LDLRAD3: variants seen among roughly 807,000 people sequenced by gnomAD.
LDLRAD3 encodes the protein low-density lipoprotein receptor class A domain-containing protein 3.
In LDLRAD3, 20 loss-of-function variants were observed where a neutral mutation model predicts 29.4. That is an observed-to-expected ratio of 0.68 (90% confidence interval 0.48 to 0.99). The LOEUF (loss-of-function observed/expected upper bound fraction) is 0.99, where lower values mean the gene tolerates loss of function less well. Ranked by LOEUF, LDLRAD3 falls within the 50% of genes least tolerant of loss-of-function variation. The probability of loss-of-function intolerance (pLI) is 0.00; values close to 1 mark genes in which losing one functional copy is unlikely to be tolerated. For missense variants in LDLRAD3, 420 were observed against 454.3 expected, an observed-to-expected ratio of 0.92 and a Z score of 0.69; for synonymous variants, 157 against 192.7, an observed-to-expected ratio of 0.81 and a Z score of 1.53.
In LDLRAD3 at chr11:36,193,185, G is replaced by A. The variant is rs574336658; in HGVS notation, c.455-33900G>A. ...GTAATGCTGCATCCTCGAGAGTGTT[G>A]GGAACATTCTGTGAGCCAATGTATA... On this transcript the variant is annotated intron_variant, in intron 4 of 5. Coordinates refer to ENST00000315571, the MANE Select transcript of LDLRAD3 (RefSeq NM_174902.4). Among the ~76,000 whole-genome samples, 3 of 152,236 alleles carry A rather than the reference G, an allele frequency of 2.0e-5. No individual in the cohort carries two copies. The East Asian group carries it at 5.8e-4, about 29-fold the overall frequency.
intron 1 of LDLRAD3, among the ~76,000 whole-genome samples, chr11:35,984,273 A>G (rs1851580345): frequency 6.6e-6 from 1 of 152,078 alleles, no homozygotes; most frequent in South Asian, 2.1e-4. Flanking sequence ...ACCGCCCACA[A>G]TGCATTAGGC....
At chr11:35,947,366 C>T (rs1851070848) in intron 1 of LDLRAD3, among the ~76,000 whole-genome samples, 1 of 151,966 alleles carries the variant, frequency 6.6e-6, no homozygotes, top group Non-Finnish European at 1.5e-5. Context: ...AAAAATTAGC[C>T]AGGTGTGGTG....
chr11:36,102,283 CCTT>C lies in LDLRAD3; in HGVS notation c.454+3825_454+3827del, dbSNP rs556912429. 9.8e-5 allele frequency among the ~76,000 whole-genome samples: 15 copies of C among 152,296 alleles called. No homozygotes were observed. In the East Asian group the frequency reaches 2.7e-3, roughly 27 times the overall value. ...CACTTAGTCAAACTTTGTTCTCTCT[CCTT>C]CTGCTGGGTGTGTAGCCCTTAAAAA... On this transcript the variant is annotated intron_variant, in intron 4 of 5. Coordinates refer to ENST00000315571, the MANE Select transcript of LDLRAD3 (RefSeq NM_174902.4).
At chr11:36,160,337 G>A (rs952717075) in intron 4 of LDLRAD3, among the ~76,000 whole-genome samples, 15 of 152,122 alleles carry the variant, frequency 9.9e-5, no homozygotes, top group African/African-American at 3.4e-4. Context: ...GAAAGCCAGC[G>A]TGATTTCCCA....
intron 4 of LDLRAD3, among the ~76,000 whole-genome samples, chr11:36,134,220 CAG>C (rs2133309036): frequency 6.6e-6 from 1 of 152,246 alleles, no homozygotes; most frequent in South Asian, 2.1e-4. Flanking sequence ...TTCCAGAAAG[CAG>C]GGGGATACAT....
intron 2 of LDLRAD3, among the ~76,000 whole-genome samples, chr11:36,058,391 C>A (rs1852652531): frequency 6.6e-6 from 1 of 152,198 alleles, no homozygotes; most frequent in Non-Finnish European, 1.5e-5. Flanking sequence ...ACTTTATCAA[C>A]TCCATTTGCT....
intron 2 of LDLRAD3, among the ~76,000 whole-genome samples, chr11:36,066,199 G>T (rs1281361228): frequency 2.7e-5 from 4 of 149,222 alleles, no homozygotes; most frequent in African/African-American, 9.9e-5. Flanking sequence ...CTGCTTGTTA[G>T]GAGTCATCCC....
chr11:36,068,401 G>A (rs1425749060), intron 2 of LDLRAD3, among the ~76,000 whole-genome samples: 5 of 152,182 alleles, frequency 3.3e-5, no homozygotes, highest in Non-Finnish European at 7.3e-5. Flanking sequence ...CAGCTTGGGA[G>A]TTCTATACCA....
Position 35,944,200 on chromosome 11 carries a change from G to GGCGCAGC in LDLRAD3, c.46+58_46+64dup. ...GCGGGGCGCGGGGCGCGGGGCGCGG[G>GGCGCAGC]GCGCAGCGGCCGGGTGCGATCGCGT... On this transcript the variant is annotated intron_variant, in intron 1 of 5. Transcript: ENST00000315571. This position sits in a 1 kb window ranked among gnomAD's most constrained non-coding sequence, Gnocchi z 4.9. 1.1e-6 allele frequency: 1 copy of GGCGCAGC among 951,552 alleles called. No homozygotes were observed. Among genetic ancestry groups the GGCGCAGC allele is most frequent in the Middle Eastern group, 5.6e-4 (1 of 1,796 alleles). The allele number at this position is 951,552 out of a possible 1,614,324, so 58.9% of individuals were successfully genotyped here. A position where few individuals can be genotyped will look rare whatever the true frequency, so the allele number is the denominator to read the frequency against.
rs144465581 is a variant in LDLRAD3 at position 36,065,534 on chromosome 11, C to T, written c.194-16119C>T. Among the ~76,000 whole-genome samples the T allele has an allele frequency of 3.9e-5, 6 of 152,310 alleles. No individual in the cohort carries two copies. The East Asian group carries it at 1.2e-3, about 29-fold the overall frequency. On this transcript the variant is annotated intron_variant, in intron 2 of 5. Coordinates refer to ENST00000315571, the MANE Select transcript of LDLRAD3 (RefSeq NM_174902.4). ...GATGTAGAAGGCATTATAGAAATTT[C>T]AGGATGCCTTGGTGAAACCTTTCCT...
Position 35,979,923 on chromosome 11 carries a change from A to T in LDLRAD3, c.46+35779A>T, listed in dbSNP as rs572727701. Among the ~76,000 whole-genome samples the T allele has an allele frequency of 1.4e-4, 21 of 152,322 alleles. 1 individual carries two copies. In the South Asian group the frequency reaches 4.1e-3, roughly 30 times the overall value. Reference sequence around the variant, plus strand: ...ATTGGCCAATTGTTTATCAATGCGGAGCATCATCAAGAATGTTAGAGAAGG... The same window carrying T: ...ATTGGCCAATTGTTTATCAATGCGGTGCATCATCAAGAATGTTAGAGAAGG... On this transcript the variant is annotated intron_variant, in intron 1 of 5. Coordinates refer to ENST00000315571, the MANE Select transcript of LDLRAD3 (RefSeq NM_174902.4).
chr11:35,957,394 C>T (rs183234253), intron 1 of LDLRAD3, among the ~76,000 whole-genome samples: 1 of 152,310 alleles, frequency 6.6e-6, no homozygotes, highest in Non-Finnish European at 1.5e-5. Context: ...TGCCTCACAG[C>T]TTATATCCTT....
intron 4 of LDLRAD3, among the ~76,000 whole-genome samples, chr11:36,195,655 A>G (rs560069957): frequency 3.9e-5 from 6 of 152,208 alleles, no homozygotes; most frequent in Non-Finnish European, 8.8e-5. Flanking sequence ...CCTTCGATGC[A>G]TCAGACTTGT....
chr11:36,179,531 A>G (rs1854726437), intron 4 of LDLRAD3, among the ~76,000 whole-genome samples: 1 of 152,160 alleles, frequency 6.6e-6, no homozygotes. Flanking sequence ...TCAGCTCAGA[A>G]GTTCATTGCT....
intron 1 of LDLRAD3, among the ~76,000 whole-genome samples, chr11:36,034,024 GC>G (rs1433055552): frequency 6.6e-6 from 1 of 152,142 alleles, no homozygotes; most frequent in Admixed American, 6.5e-5. Flanking sequence ...CATGCTCTGG[GC>G]TACGTCTTCC....
At chr11:36,212,206 T>C (rs1233907471) in intron 4 of LDLRAD3, among the ~76,000 whole-genome samples, 1 of 152,208 alleles carries the variant, frequency 6.6e-6, no homozygotes, top group Non-Finnish European at 1.5e-5. Context: ...AGGAGGCAGA[T>C]GCCTCAGAGG....
At chr11:36,128,885 C>T (rs1853883949) in intron 4 of LDLRAD3, among the ~76,000 whole-genome samples, 1 of 151,720 alleles carries the variant, frequency 6.6e-6, no homozygotes, top group African/African-American at 2.4e-5. Context: ...AGAAAAATCA[C>T]CCTAGCATCG....
intron 1 of LDLRAD3, among the ~76,000 whole-genome samples, chr11:35,954,555 A>G (rs1414943454): frequency 1.5e-4 from 23 of 152,356 alleles, no homozygotes; most frequent in Non-Finnish European, 8.8e-5. Context: ...AGACATGACT[A>G]TGACTTTGAA....
At chr11:36,124,576 G>A (rs1242636527) in intron 4 of LDLRAD3, among the ~76,000 whole-genome samples, 6 of 152,080 alleles carry the variant, frequency 3.9e-5, no homozygotes, top group Non-Finnish European at 7.4e-5. Context: ...CACCTGGAGT[G>A]AAATCTGAAC....
Sources: allele counts gnomAD v4.1 joint callset (sites outside exome capture counted in the v4.1 genomes callset), GRCh38; gene constraint gnomAD v4.1.1; non-coding constraint Gnocchi (gnomAD v3.1); transcripts MANE v1.5; gene names NCBI Gene and HGNC (gene_info 2026-07-23, HGNC 2026-07-21).